The following FNIP1 variants were observed in gnomAD, a reference collection of about 807,000 sequenced individuals.
The protein encoded by FNIP1 is folliculin-interacting protein 1.
FNIP1 carries 40 observed loss-of-function variants against 124.5 expected under a neutral mutation model. That is an observed-to-expected ratio of 0.32 (90% CI 0.25 to 0.42). FNIP1 has a LOEUF of 0.42. Ranked by LOEUF, FNIP1 falls within the 10% of genes least tolerant of loss-of-function variation. FNIP1 has a pLI of 1.00. For synonymous variants in FNIP1, 472 were observed against 470.6 expected, an observed-to-expected ratio of 1.00 and a Z score of -0.04; for missense variants, 1,176 against 1,403.7, an observed-to-expected ratio of 0.84 and a Z score of 2.59.
Position 131,671,950 on chromosome 5 carries a change from T to C in FNIP1, c.2494A>G (p.Met832Val), listed in dbSNP as rs376022240. ...TTAAAATATTCGTCGAATAAGCTCA[T>C]GCTTTCTGGGTCTGAATGATTCCAA... ...PCWNHSDPESMSLFDEYFNDD... is the reference protein window; with the variant it reads ...PCWNHSDPESVSLFDEYFNDD... Residue 832 changes from methionine to valine, a missense_variant, in exon 14 of 18, where the codon ATG becomes GTG. Around this residue, in one of 2 missense-constraint regions of FNIP1, gnomAD observed 1,109 missense variants for 1,288.5 expected, o/e 0.86. Coordinates refer to ENST00000510461, the MANE Select transcript of FNIP1 (RefSeq NM_133372.3). 3 of 1,614,228 alleles carry C rather than the reference T, an allele frequency of 1.9e-6. No homozygotes were observed. The highest frequency in any genetic ancestry group is 2.5e-6 in the Non-Finnish European group (3 of 1,180,034).
intron 1 of FNIP1, among the ~76,000 whole-genome samples, chr5:131,793,431 T>C (rs140253804): frequency 7.0e-4 from 106 of 152,364 alleles, no homozygotes; most frequent in African/African-American, 2.4e-3. Context: ...TATTTTCTAC[T>C]AGAAACAGCC....
intron 2 of FNIP1, among the ~76,000 whole-genome samples, chr5:131,735,112 T>C (rs1387313407): frequency 1.3e-5 from 2 of 152,142 alleles, no homozygotes; most frequent in African/African-American, 2.4e-5. Context: ...ATATACACCA[T>C]GGAATACTAT....
intron 2 of FNIP1, 115 bp from the exon 3 acceptor site, chr5:131,731,153 A>G: frequency 1.1e-6 from 1 of 875,752 alleles, no homozygotes; most frequent in Non-Finnish European, 1.7e-6. Context: ...AAAATACAAC[A>G]TTAATATGGC....
In FNIP1 at chr5:131,647,013, AG is replaced by A; in HGVS notation, c.3422+76del. ...TAGGAGAAGACACGTAAAAGGAAAA[AG>A]GGCAATTCTGAGGAAAATTCCTTGC... is the stretch of plus-strand genomic sequence containing the variant. On this transcript the variant is annotated intron_variant, in intron 17 of 17. Transcript: ENST00000510461. 1.4e-5 allele frequency: 18 copies of A among 1,262,604 alleles called. No homozygotes were observed. In the South Asian group the frequency reaches 2.1e-4, roughly 14 times the overall value. 78.2% of individuals were successfully genotyped at this position (1,262,604 alleles called of 1,614,324 possible). A position where few individuals can be genotyped will look rare whatever the true frequency, so the allele number is the denominator to read the frequency against.
intron 11 of FNIP1, among the ~76,000 whole-genome samples, chr5:131,695,152 T>TAAAG (rs1561659486): frequency 1.5e-5 from 2 of 129,572 alleles, no homozygotes; most frequent in African/African-American, 6.0e-5. Context: ...AATAAATAAA[T>TAAAG]AAAGCATTAA....
intron 12 of FNIP1, among the ~76,000 whole-genome samples, chr5:131,678,631 C>T (rs1767980257): frequency 6.6e-6 from 1 of 151,582 alleles, no homozygotes; most frequent in East Asian, 1.9e-4. Context: ...CAGGATGTCT[C>T]GATCTCCTGA....
intron 6 of FNIP1, 49 bp from the exon 7 acceptor site, chr5:131,710,710 G>A (rs1769259463): frequency 6.5e-7 from 1 of 1,530,184 alleles, no homozygotes. Flanking sequence ...TGTTAGAGAA[G>A]CCACAATGCG....
intron 1 of FNIP1, among the ~76,000 whole-genome samples, chr5:131,750,465 T>TA (rs1469852043): frequency 1.3e-5 from 2 of 151,882 alleles, no homozygotes; most frequent in Non-Finnish European, 2.9e-5. Flanking sequence ...TAGGGCAAGA[T>TA]AAAAAAGAAC....
intron 5 of FNIP1, among the ~76,000 whole-genome samples, chr5:131,718,558 C>A (rs1769547809): frequency 6.6e-6 from 1 of 152,226 alleles, no homozygotes; most frequent in Non-Finnish European, 1.5e-5. Context: ...GCTTGTAATA[C>A]CCTGGTGGCT....
At chr5:131,710,325 A>T (rs965333914) in intron 7 of FNIP1, among the ~76,000 whole-genome samples, 1 of 152,238 alleles carries the variant, frequency 6.6e-6, no homozygotes, top group African/African-American at 2.4e-5. Flanking sequence ...TGAAGTTAAA[A>T]TCATTATGCC....
chr5:131,788,119 T>C (rs1772276881), intron 1 of FNIP1, among the ~76,000 whole-genome samples: 1 of 152,130 alleles, frequency 6.6e-6, no homozygotes, highest in South Asian at 2.1e-4. Context: ...GAACTGAAGC[T>C]ACTAAGAATC....
At chr5:131,646,219 T>C (rs1766875819) in intron 17 of FNIP1, among the ~76,000 whole-genome samples, 1 of 152,262 alleles carries the variant, frequency 6.6e-6, no homozygotes, top group East Asian at 1.9e-4. Flanking sequence ...AGAATATAAA[T>C]AGGGTCTAAA....
At chr5:131,723,550 GA>G (rs1238010508) in intron 3 of FNIP1, among the ~76,000 whole-genome samples, 1 of 152,000 alleles carries the variant, frequency 6.6e-6, no homozygotes, top group Non-Finnish European at 1.5e-5. Flanking sequence ...AATCTACAAT[GA>G]AGCTTATAAT....
In FNIP1 at chr5:131,651,773, G is replaced by C. The variant is rs755641122; in HGVS notation, c.3306+29C>G. 1.2e-5 allele frequency: 19 copies of C among 1,601,838 alleles called. 1 individual carries two copies. In the South Asian group the frequency reaches 2.1e-4, roughly 18 times the overall value. On this transcript the variant is annotated intron_variant, in intron 16 of 17. Transcript: ENST00000510461. ...ATGAAAGCTTTAAGCAGTGCTTAAA[G>C]TAATGCAAGCAGTGTTACACATACT...
chr5:131,753,138 G>T lies in FNIP1; in HGVS notation c.93-8448C>A, dbSNP rs533270191. On this transcript the variant is annotated intron_variant, in intron 1 of 17. Transcript: ENST00000510461. ...CACAAGCATTAAAATGGCTAAAACT[G>T]ACACGACTAATAACACCAGTGGTTG... 1.4e-4 allele frequency among the ~76,000 whole-genome samples: 22 copies of T among 152,158 alleles called. No individual in the cohort carries two copies. In the East Asian group the frequency reaches 3.9e-3, roughly 27 times the overall value.
chr5:131,730,170 T>C (rs1770032396), intron 3 of FNIP1, among the ~76,000 whole-genome samples: 1 of 152,200 alleles, frequency 6.6e-6, no homozygotes, highest in Non-Finnish European at 1.5e-5. Context: ...GGAGATGGAA[T>C]AGAAGAAGGC....
chr5:131,759,738 G>T (rs1262218626), intron 1 of FNIP1, among the ~76,000 whole-genome samples: 2 of 152,106 alleles, frequency 1.3e-5, no homozygotes, highest in Non-Finnish European at 2.9e-5. Flanking sequence ...TCATTACTGG[G>T]TATATATCCA....
At position 131,667,649 on chromosome 5, in the gene FNIP1, C is replaced by T. The variant is rs187472337; in HGVS notation, c.3108+2814G>A. ...TGTTGCCCAGGCTGGAGTGCAGTGG[C>T]GTGATCTCGGCTCACTGCAACCTCT... On this transcript the variant is annotated intron_variant, in intron 15 of 17. Coordinates refer to ENST00000510461, the MANE Select transcript of FNIP1 (RefSeq NM_133372.3). Among the ~76,000 whole-genome samples the T allele has an allele frequency of 3.2e-3, 486 of 151,528 alleles. 3 individuals carry two copies. The highest frequency in any genetic ancestry group is 0.011 in the African/African-American group (459 of 40,906).
At chr5:131,680,346 T>C (rs1014317464) in intron 11 of FNIP1, among the ~76,000 whole-genome samples, 1 of 152,308 alleles carries the variant, frequency 6.6e-6, no homozygotes, top group South Asian at 2.1e-4. Context: ...TGTATTACAA[T>C]GGATAGAAAC....
Sources: gnomAD v4.1 joint callset for allele counts (sites outside exome capture counted in the v4.1 genomes callset) on GRCh38, gnomAD v4.1.1 for gene constraint, gnomAD v4.1.1 regional missense constraint, MANE v1.5 for transcripts, NCBI Gene and HGNC (gene_info 2026-07-23, HGNC 2026-07-21) for gene names.